The following EXT1 variants were observed in gnomAD, a reference collection of about 807,000 sequenced individuals.
EXT1 encodes the protein exostosin glycosyltransferase 1.
Under a neutral mutation model 82.5 loss-of-function variants are expected in EXT1, and 20 were observed. The ratio of observed to expected loss-of-function variants is 0.24; its 90% confidence interval spans 0.17 to 0.35. EXT1 has a LOEUF of 0.35. Ranked by LOEUF, EXT1 falls within the 10% of genes least tolerant of loss-of-function variation. EXT1 has a pLI of 1.00. For missense variants in EXT1, 757 were observed against 936.5 expected (o/e 0.81, Z 2.50); for synonymous variants, 348 against 350.8 (o/e 0.99, Z 0.09).
At chr8:118,034,354 A>G (rs1158843520) in intron 1 of EXT1, among the ~76,000 whole-genome samples, 1 of 152,152 alleles carries the variant, frequency 6.6e-6, no homozygotes, top group Non-Finnish European at 1.5e-5. Context: ...TCACAAGCAC[A>G]TGTGTTATTT....
intron 1 of EXT1, among the ~76,000 whole-genome samples, chr8:117,955,759 G>C (rs1209219501): frequency 6.6e-6 from 1 of 152,174 alleles, no homozygotes; most frequent in Non-Finnish European, 1.5e-5. Flanking sequence ...TTTTCACCAT[G>C]TTGGCCAGGC....
At chr8:118,016,176 G>C (rs1024222318) in intron 1 of EXT1, among the ~76,000 whole-genome samples, 3 of 152,212 alleles carry the variant, frequency 2.0e-5, no homozygotes, top group African/African-American at 7.2e-5. Flanking sequence ...CAGATCACTA[G>C]AGGCCAGGAG....
At chr8:118,079,207 C>A (rs564165587) in intron 1 of EXT1, among the ~76,000 whole-genome samples, 8 of 152,132 alleles carry the variant, frequency 5.3e-5, no homozygotes, top group Non-Finnish European at 1.2e-4. Flanking sequence ...AAGCAACATA[C>A]TGAAATATTA....
At position 118,044,978 on chromosome 8, in the gene EXT1, AG is replaced by A. The variant is rs1385950230; in HGVS notation, c.962+65106del. ...TTACTATCTGGCGCTTCACAGAAAAAGTTTGCCAACCTCTAGTCGATACTAT... is the reference window on the plus strand; with the variant it reads ...TTACTATCTGGCGCTTCACAGAAAAATTTGCCAACCTCTAGTCGATACTAT... On this transcript the variant is annotated intron_variant, in intron 1 of 10. Coordinates refer to ENST00000378204, the MANE Select transcript of EXT1 (RefSeq NM_000127.3). 3.3e-5 allele frequency among the ~76,000 whole-genome samples: 5 copies of A among 152,350 alleles called. No individual in the cohort carries two copies. In the South Asian group the frequency reaches 1.0e-3, roughly 32 times the overall value.
At chr8:117,929,025 G>A (rs1332208504) in intron 1 of EXT1, among the ~76,000 whole-genome samples, 1 of 152,144 alleles carries the variant, frequency 6.6e-6, no homozygotes, top group Admixed American at 6.5e-5. Flanking sequence ...CATTAAGTCT[G>A]AATCCTTTCT....
intron 1 of EXT1, among the ~76,000 whole-genome samples, chr8:117,998,512 C>A (rs754430768): frequency 6.6e-6 from 1 of 152,112 alleles, no homozygotes; most frequent in Non-Finnish European, 1.5e-5. Context: ...AGGTCTCCAA[C>A]TCTTGACCTC....
chr8:118,008,719 T>C (rs1815832479), intron 1 of EXT1, among the ~76,000 whole-genome samples: 1 of 152,196 alleles, frequency 6.6e-6, no homozygotes, highest in African/African-American at 2.4e-5. Context: ...TTACATTGTT[T>C]CTAATCTTTT....
At chr8:117,858,761 G>GC (rs1233766914) in intron 1 of EXT1, among the ~76,000 whole-genome samples, 1,766 of 109,928 alleles carry the variant, frequency 0.016, 28 homozygotes, top group Non-Finnish European at 0.019. Context: ...AGGAAGGAAG[G>GC]AAGGAAGGCA....
At chr8:117,962,431 C>T (rs1814718951) in intron 1 of EXT1, among the ~76,000 whole-genome samples, 1 of 150,962 alleles carries the variant, frequency 6.6e-6, no homozygotes. Context: ...GGCAACACAG[C>T]AAGACCTCAT....
intron 3 of EXT1, among the ~76,000 whole-genome samples, chr8:117,833,434 G>A (rs1812134212): frequency 6.6e-6 from 1 of 152,114 alleles, no homozygotes; most frequent in Admixed American, 6.5e-5. Context: ...GGCCAACATG[G>A]TGAAACACCA....
chr8:117,864,593 C>CA (rs1354788907), intron 1 of EXT1, among the ~76,000 whole-genome samples: 2 of 152,122 alleles, frequency 1.3e-5, no homozygotes, highest in East Asian at 3.9e-4. Flanking sequence ...ACTAAAAATA[C>CA]AAAAAATTAG....
At chr8:117,898,392 T>G (rs545173311) in intron 1 of EXT1, among the ~76,000 whole-genome samples, 2 of 152,182 alleles carry the variant, frequency 1.3e-5, no homozygotes, top group Non-Finnish European at 2.9e-5. Flanking sequence ...TTTTTCTAGT[T>G]TCAATCCTGC....
At position 118,083,272 on chromosome 8, in the gene EXT1, A is replaced by G. The variant is rs17451526; in HGVS notation, c.962+26813T>C. Among the ~76,000 whole-genome samples, 7 of 152,366 alleles carry G rather than the reference A, an allele frequency of 4.6e-5. No homozygotes were observed. In the East Asian group the frequency reaches 1.3e-3, roughly 29 times the overall value. Reference sequence around the variant, plus strand: ...AAAGCACTTAATAAACGCATACTCAATGCCTGAGTGAATAATCTACAGAAC... The same window carrying G: ...AAAGCACTTAATAAACGCATACTCAGTGCCTGAGTGAATAATCTACAGAAC... On this transcript the variant is annotated intron_variant, in intron 1 of 10. Transcript: ENST00000378204.
intron 7 of EXT1, among the ~76,000 whole-genome samples, chr8:117,817,587 C>T (rs576361820): frequency 3.3e-5 from 5 of 152,044 alleles, no homozygotes; most frequent in East Asian, 3.9e-4. Context: ...AGCATGCAAA[C>T]GGGGGCTTAA....
intron 1 of EXT1, among the ~76,000 whole-genome samples, chr8:118,003,488 A>G (rs1815714316): frequency 6.6e-6 from 1 of 152,186 alleles, no homozygotes; most frequent in Non-Finnish European, 1.5e-5. Context: ...GGGAATCTGG[A>G]TTCTTTAAGT....
At chr8:117,964,929 C>T (rs1015558442) in intron 1 of EXT1, among the ~76,000 whole-genome samples, 1 of 152,092 alleles carries the variant, frequency 6.6e-6, no homozygotes, top group Non-Finnish European at 1.5e-5. Context: ...TGAGCCACCA[C>T]GCTCAGCCAG....
intron 6 of EXT1, among the ~76,000 whole-genome samples, chr8:117,819,075 G>T (rs1811876947): frequency 6.6e-6 from 1 of 152,192 alleles, no homozygotes; most frequent in South Asian, 2.1e-4. Flanking sequence ...AAGGCATTTA[G>T]TTCAAAAATG....
chr8:117,843,296 C>T (rs892510998), intron 1 of EXT1, among the ~76,000 whole-genome samples: 1 of 152,140 alleles, frequency 6.6e-6, no homozygotes, highest in Non-Finnish European at 1.5e-5. Flanking sequence ...GAATAAACAA[C>T]ATGTGTTATC....
chr8:117,800,021 A>C (rs572877079), intron 10 of EXT1, 124 bp from the exon 11 acceptor site: 26 of 963,178 alleles, frequency 2.7e-5, no homozygotes, highest in African/African-American at 2.3e-4. Flanking sequence ...CCGGCCACCA[A>C]GTCTCACCAT....
Sources: gnomAD v4.1 joint callset for allele counts (sites outside exome capture counted in the v4.1 genomes callset) on GRCh38, gnomAD v4.1.1 for gene constraint, MANE v1.5 for transcripts, NCBI Gene and HGNC (gene_info 2026-07-23, HGNC 2026-07-21) for gene names.